Variants in ANKRD16 observed in about 807,000 individuals in gnomAD.
ANKRD16 encodes the protein ankyrin repeat domain-containing protein 16.
A neutral mutation model predicts 37.9 loss-of-function variants in ANKRD16; 35 were observed. The ratio of observed to expected loss-of-function variants is 0.92; its 90% CI spans 0.71 to 1.23. ANKRD16 has a LOEUF of 1.23. Among genes scored for constraint, ANKRD16 ranks in the 50% most tolerant of loss-of-function variants. The pLI is 0.00. For missense variants in ANKRD16, 480 were observed against 469.9 expected (o/e 1.02, Z -0.20); for synonymous variants, 206 against 197.2 (o/e 1.04, Z -0.37).
Position 5,864,920 on chromosome 10 carries a change from C to T in ANKRD16, c.*34-2229G>A, listed in dbSNP as rs536940958. Among the ~76,000 whole-genome samples the T allele has an allele frequency of 2.2e-4, 34 of 152,212 alleles. No homozygotes were observed. The South Asian group carries it at 5.6e-3, about 25-fold the overall frequency. On this transcript the variant is annotated intron_variant, in intron 7 of 7. Coordinates refer to ENST00000380094, the MANE Select transcript of ANKRD16 (RefSeq NM_019046.3). This position sits in a 1 kb window ranked among gnomAD's most constrained non-coding sequence, Gnocchi z 4.4. The stretch of plus-strand genomic sequence containing the variant: ...ATACTCCCCTGTCGCCCGACTCACT[C>T]GAGGGTCAATTGATCCTAAAAGGTA...
chr10:5,887,963 C>A lies in ANKRD16; in HGVS notation c.419G>T (p.Ser140Ile). ...PLLKNKDGWN[S>I]FHIASREGDP... ...GCCTTCTCGACTGGCAATGTGGAAA[C>A]TGTTCCAGCCATCTTTGTTCTTCAG... The change falls in exon 2 of 8, where the codon AGT becomes ATT. Residue 140 changes from serine to isoleucine, a missense_variant. By Grantham distance (142) the Ser-to-Ile change is moderately radical (BLOSUM62 -2). Coordinates refer to ENST00000380094, the MANE Select transcript of ANKRD16 (RefSeq NM_019046.3). 1 of 1,614,234 alleles carries A rather than the reference C, an allele frequency of 6.2e-7. No individual in the cohort carries two copies. The highest frequency in any genetic ancestry group is 8.5e-7 in the Non-Finnish European group (1 of 1,180,040).
At chr10:5,872,682 G>C (rs894952824) in intron 7 of ANKRD16, among the ~76,000 whole-genome samples, 3 of 147,532 alleles carry the variant, frequency 2.0e-5, no homozygotes, top group East Asian at 4.3e-4. Context: ...TCAGCCTCTC[G>C]AGTAGCTAGG....
Position 5,862,533 on chromosome 10 carries a change from A to C in ANKRD16, c.*192T>G, listed in dbSNP as rs1841957957. Reference sequence around the variant, plus strand: ...GGGGGCCAGTGCAGATGTGGCACTGACTTCACCACTGGTACACCTCAGATA... The same window carrying C: ...GGGGGCCAGTGCAGATGTGGCACTGCCTTCACCACTGGTACACCTCAGATA... On this transcript the variant is annotated 3_prime_UTR_variant, in exon 8 of 8. Transcript: ENST00000380094. This position sits in a 1 kb window ranked among gnomAD's most constrained non-coding sequence, Gnocchi z 6.5. 8.5e-7 allele frequency: 1 copy of C among 1,171,120 alleles called. No homozygotes were observed. Among genetic ancestry groups the C allele is most frequent in the Non-Finnish European group, 1.1e-6 (1 of 884,938 alleles). 72.5% of individuals were successfully genotyped at this position (1,171,120 alleles called of 1,614,324 possible). A position where few individuals can be genotyped will look rare whatever the true frequency, so the allele number is the denominator to read the frequency against.
chr10:5,888,219 C>T, intron 1 of ANKRD16, 152 bp from the exon 2 acceptor site: 1 of 664,962 alleles, frequency 1.5e-6, no homozygotes, highest in African/African-American at 1.8e-5. Flanking sequence ...TGACCGGCAA[C>T]CTCTGTGCCT....
In ANKRD16 at chr10:5,878,001, G is replaced by A. The variant is rs1589019749; in HGVS notation, c.*33+96C>T. 1 of 1,343,842 alleles carries A rather than the reference G, an allele frequency of 7.4e-7. No individual in the cohort carries two copies. 83.2% of individuals were successfully genotyped at this position (1,343,842 alleles called of 1,614,324 possible). ...CTCCTCAGCAGGAGTGGAACATGCA[G>A]GATGAGGGAAGGGAGGAAGTGGAGG... On this transcript the variant is annotated intron_variant, in intron 7 of 7. Transcript: ENST00000380094. This position sits in a 1 kb window ranked among gnomAD's most constrained non-coding sequence, Gnocchi z 5.1.
Position 5,861,697 on chromosome 10 carries a change from T to C in ANKRD16, c.*1028A>G, listed in dbSNP as rs1841942349. The C allele has an allele frequency of 6.6e-6, 1 of 152,176 alleles. No individual in the cohort carries two copies. The highest frequency in any genetic ancestry group is 1.5e-5 in the Non-Finnish European group (1 of 68,042). 9.4% of individuals were successfully genotyped at this position (152,176 alleles called of 1,614,324 possible). ...TGGGTTCTTTGAGAATCATTGACAT[T>C]TATTATTTACTACACATCAGACACG... On this transcript the variant is annotated 3_prime_UTR_variant, in exon 8 of 8. Transcript: ENST00000380094.
intron 2 of ANKRD16, among the ~76,000 whole-genome samples, chr10:5,886,109 C>A (rs1034255664): frequency 1.3e-5 from 2 of 152,162 alleles, no homozygotes; most frequent in East Asian, 1.9e-4. Context: ...TAACAGTAAT[C>A]CATGGCAAAA....
At position 5,862,276 on chromosome 10, in the gene ANKRD16, C is replaced by A; in HGVS notation, c.*449G>T. On this transcript the variant is annotated 3_prime_UTR_variant, in exon 8 of 8. Transcript: ENST00000380094. This position sits in a 1 kb window ranked among gnomAD's most constrained non-coding sequence, Gnocchi z 6.5. ...TGCTGCATCTGTTAGGCAATGTTGA[C>A]AATCTCATCAGAAGTGGTGCTACCA... is the stretch of plus-strand genomic sequence containing the variant. The A allele has an allele frequency of 2.7e-6, 1 of 371,616 alleles. No homozygotes were observed. Among genetic ancestry groups the A allele is most frequent in the Non-Finnish European group, 5.2e-6 (1 of 190,480 alleles). The allele number at this position is 371,616 out of a possible 1,614,324, so 23.0% of individuals were successfully genotyped here.
Position 5,889,414 on chromosome 10 carries a change from A to AG in ANKRD16, c.-61dup. 8.8e-7 allele frequency: 1 copy of AG among 1,131,946 alleles called. No homozygotes were observed. Among genetic ancestry groups the AG allele is most frequent in the Non-Finnish European group, 1.1e-6 (1 of 918,808 alleles). The allele number at this position is 1,131,946 out of a possible 1,614,324, so 70.1% of individuals were successfully genotyped here. ...GCGGGCGGGACACCGGCGGCCGGGC[A>AG]GGGAGAAGCCGAGGGCGAGTGGGAC... On this transcript the variant is annotated 5_prime_UTR_variant, in exon 1 of 8. Transcript: ENST00000380094.
chr10:5,881,439 TA>T (rs1564417883), intron 5 of ANKRD16, among the ~76,000 whole-genome samples: 1,583 of 6,938 alleles, frequency 0.23, 38 homozygotes, highest in East Asian at 0.34. Flanking sequence ...AAATATTATT[TA>T]TATATATATA....
Position 5,864,445 on chromosome 10 carries a change from C to G in ANKRD16, c.*34-1754G>C, listed in dbSNP as rs1410605373. On this transcript the variant is annotated intron_variant, in intron 7 of 7. Transcript: ENST00000380094. This position sits in a 1 kb window ranked among gnomAD's most constrained non-coding sequence, Gnocchi z 4.4. ...TCTCCTTCTCTGATTTAAAGCAGAT[C>G]AAGGTAGACCTGGGTAAGTTTTCAG... 6.6e-6 allele frequency among the ~76,000 whole-genome samples: 1 copy of G among 152,110 alleles called. No individual in the cohort carries two copies. The highest frequency in any genetic ancestry group is 6.5e-5 in the Admixed American group (1 of 15,272).
chr10:5,869,379 G>A lies in ANKRD16; in HGVS notation c.*34-6688C>T, dbSNP rs1300386700. Among the ~76,000 whole-genome samples the A allele has an allele frequency of 6.6e-6, 1 of 152,146 alleles. No homozygotes were observed. The highest frequency in any genetic ancestry group is 1.5e-5 in the Non-Finnish European group (1 of 68,022). On this transcript the variant is annotated intron_variant, in intron 7 of 7. Transcript: ENST00000380094. The surrounding 1 kb of genome is among the most constrained non-coding windows in gnomAD (Gnocchi z 4.0). ...AATGCAAATTCCTAGAGTCCACCCTGGACCTACAGGCCCAGCTCTCTGGGG... is the reference window on the plus strand; with the variant it reads ...AATGCAAATTCCTAGAGTCCACCCTAGACCTACAGGCCCAGCTCTCTGGGG...
Position 5,878,375 on chromosome 10 carries a change from T to C in ANKRD16, c.929-88A>G. 1.8e-6 allele frequency: 2 copies of C among 1,137,936 alleles called. No individual in the cohort carries two copies. The highest frequency in any genetic ancestry group is 1.7e-5 in the South Asian group (1 of 59,648). The allele number at this position is 1,137,936 out of a possible 1,614,324, so 70.5% of individuals were successfully genotyped here. ...GAGTTGATAGTGCCCAATAAAAATA[T>C]CAATTCTTTCAATATCTTCCGTAAT... On this transcript the variant is annotated intron_variant, in intron 6 of 7. Transcript: ENST00000380094. This position sits in a 1 kb window ranked among gnomAD's most constrained non-coding sequence, Gnocchi z 5.1.
intron 7 of ANKRD16, among the ~76,000 whole-genome samples, chr10:5,867,577 A>C (rs1842034653): frequency 6.6e-6 from 1 of 152,230 alleles, no homozygotes; most frequent in Admixed American, 6.5e-5. Flanking sequence ...ACAAAAGTAA[A>C]GTTTGCTAAA....
In ANKRD16 at chr10:5,864,444, T is replaced by G. The variant is rs1332506667; in HGVS notation, c.*34-1753A>C. 6.6e-6 allele frequency among the ~76,000 whole-genome samples: 1 copy of G among 152,128 alleles called. No individual in the cohort carries two copies. Among genetic ancestry groups the G allele is most frequent in the Admixed American group, 6.5e-5 (1 of 15,272 alleles). On this transcript the variant is annotated intron_variant, in intron 7 of 7. Coordinates refer to ENST00000380094, the MANE Select transcript of ANKRD16 (RefSeq NM_019046.3). This position sits in a 1 kb window ranked among gnomAD's most constrained non-coding sequence, Gnocchi z 4.4. ...TTCTCCTTCTCTGATTTAAAGCAGA[T>G]CAAGGTAGACCTGGGTAAGTTTTCA...
chr10:5,877,305 G>A (rs1842200536), intron 7 of ANKRD16, among the ~76,000 whole-genome samples: 2 of 152,160 alleles, frequency 1.3e-5, no homozygotes, highest in African/African-American at 4.8e-5. Context: ...TAGAGATGAG[G>A]TTTTATCATG....
rs2131751894 is a variant in ANKRD16, at chr10:5,865,513, C to A, written c.*34-2822G>T. On this transcript the variant is annotated intron_variant, in intron 7 of 7. Coordinates refer to ENST00000380094, the MANE Select transcript of ANKRD16 (RefSeq NM_019046.3). The surrounding 1 kb of genome is among the most constrained non-coding windows in gnomAD (Gnocchi z 4.7). ...TTAATCTCCTGTCCCAGACAGCTGT[C>A]CTTGAGGTCTGTTACCATCTGAGGC... Among the ~76,000 whole-genome samples the A allele has an allele frequency of 6.6e-6, 1 of 152,262 alleles. No individual in the cohort carries two copies. Among genetic ancestry groups the A allele is most frequent in the South Asian group, 2.1e-4 (1 of 4,822 alleles).
At position 5,869,608 on chromosome 10, in the gene ANKRD16, C is replaced by A. The variant is rs910937062; in HGVS notation, c.*34-6917G>T. ...GCTTGGTGTTTCCCAGCACCAAGGG[C>A]CCCAGCTCCTGCTCAGCACCCTTCT... On this transcript the variant is annotated intron_variant, in intron 7 of 7. Transcript: ENST00000380094. This position sits in a 1 kb window ranked among gnomAD's most constrained non-coding sequence, Gnocchi z 4.0. 2.0e-5 allele frequency among the ~76,000 whole-genome samples: 3 copies of A among 152,078 alleles called. No homozygotes were observed. Among genetic ancestry groups the A allele is most frequent in the African/African-American group, 7.2e-5 (3 of 41,398 alleles).
chr10:5,869,829 T>C lies in ANKRD16; in HGVS notation c.*34-7138A>G, dbSNP rs1194808225. On this transcript the variant is annotated intron_variant, in intron 7 of 7. Coordinates refer to ENST00000380094, the MANE Select transcript of ANKRD16 (RefSeq NM_019046.3). The surrounding 1 kb of genome is among the most constrained non-coding windows in gnomAD (Gnocchi z 4.0). ...TAATAGTTTCTAATTTCAACTTTTATTTTAAATACAGGGGGTACATGTGCA... is the reference window on the plus strand; with the variant it reads ...TAATAGTTTCTAATTTCAACTTTTACTTTAAATACAGGGGGTACATGTGCA... Among the ~76,000 whole-genome samples, 1 of 152,134 alleles carries C rather than the reference T, an allele frequency of 6.6e-6. No individual in the cohort carries two copies. The highest frequency in any genetic ancestry group is 6.5e-5 in the Admixed American group (1 of 15,270).
Sources: gnomAD v4.1 joint callset for allele counts (sites outside exome capture counted in the v4.1 genomes callset) on GRCh38, gnomAD v4.1.1 for gene constraint, Gnocchi (gnomAD v3.1) non-coding constraint, MANE v1.5 for transcripts, NCBI Gene and HGNC (gene_info 2026-07-23, HGNC 2026-07-21) for gene names.